Variants in ZNF469 observed in about 807,000 individuals in gnomAD.
ZNF469 encodes zinc finger protein 469.
ZNF469 carries 1 observed loss-of-function variant against 1.0 expected under a neutral mutation model. The ratio of observed to expected loss-of-function variants is 1.00; its 90% CI spans 0.35 to 4.73. ZNF469 has a LOEUF of 4.73. Ranked by LOEUF, ZNF469 falls within the 30% of genes most tolerant of loss-of-function variation. The pLI is 0.16. For missense variants in ZNF469, 6,100 were observed against 5,356.3 expected, an observed-to-expected ratio of 1.14 and a Z score of -4.33; for synonymous variants, 2,703 against 2,363.4, an observed-to-expected ratio of 1.14 and a Z score of -4.17.
At position 88,430,883 on chromosome 16, in the gene ZNF469, C is replaced by T; in HGVS notation, c.3413C>T (p.Pro1138Leu). The T allele has an allele frequency of 6.5e-7, 1 of 1,537,576 alleles. No individual in the cohort carries two copies. Among genetic ancestry groups the T allele is most frequent in the Non-Finnish European group, 8.7e-7 (1 of 1,146,040 alleles). ...QGPREDEPQK[P>L]RKAARQEAGG... is the part of the protein sequence containing the mutation. ...CCCAGAGAGGATGAGCCACAGAAAC[C>T]CCGGAAGGCGGCGAGGCAGGAAGCC... Residue 1138 changes from proline (P) to leucine (L), a missense_variant, in exon 3 of 3, where the codon CCC becomes CTC. Transcript: ENST00000565624.
rs761406489 is a variant in ZNF469, at chr16:88,431,034, C to A, written c.3564C>A (p.Gly1188=). Residue 1188 remains glycine, a synonymous_variant, in exon 3 of 3, where the codon GGC becomes GGA. Transcript: ENST00000565624. ...CGGGAGCGGCCGCCAGGGAGGGAGG[C>A]CCCAAGTGTGCTGATCGCCCCTCAG... ...LETGAAAREG[G]PKCADRPSVA... 6.5e-7 allele frequency: 1 copy of A among 1,546,494 alleles called. No individual in the cohort carries two copies. Among genetic ancestry groups the A allele is most frequent in the Admixed American group, 2.0e-5 (1 of 50,984 alleles).
the ZNF469 span, among the ~76,000 whole-genome samples, chr16:88,204,075 CG>C: frequency 7.0e-6 from 1 of 143,260 alleles, no homozygotes; most frequent in South Asian, 2.4e-4. Flanking sequence ...GGGAGGTGCC[CG>C]GTAACCCCAT....
the ZNF469 span, among the ~76,000 whole-genome samples, chr16:88,212,941 T>C: frequency 6.6e-6 from 1 of 152,240 alleles, no homozygotes; most frequent in East Asian, 1.9e-4. Context: ...GGTCCATCTA[T>C]GTCCTTAGTT....
the ZNF469 span, among the ~76,000 whole-genome samples, chr16:88,124,093 G>A: frequency 6.7e-6 from 1 of 149,580 alleles, no homozygotes; most frequent in African/African-American, 2.5e-5. Context: ...ATGAGCCAAC[G>A]CACCCAGCCA....
At chr16:88,249,403 TTTTCTTTTTC>T in the ZNF469 span, among the ~76,000 whole-genome samples, 22 of 145,934 alleles carry the variant, frequency 1.5e-4, no homozygotes, top group Admixed American at 2.1e-4. Context: ...TTTTTTTTCT[TTTTCTTTTTC>T]TTTCTTTTTC....
At chr16:88,202,708 G>A in the ZNF469 span, among the ~76,000 whole-genome samples, 3 of 152,184 alleles carry the variant, frequency 2.0e-5, no homozygotes, top group Non-Finnish European at 2.9e-5. Context: ...TGGTGGGGGC[G>A]CCTCACTCCT....
At chr16:88,206,684 A>G in the ZNF469 span, among the ~76,000 whole-genome samples, 1 of 151,474 alleles carries the variant, frequency 6.6e-6, no homozygotes, top group Non-Finnish European at 1.5e-5. Context: ...TCTTTCTTTT[A>G]AAACCTCGAT....
At chr16:88,244,393 G>A in the ZNF469 span, among the ~76,000 whole-genome samples, 3 of 131,106 alleles carry the variant, frequency 2.3e-5, no homozygotes, top group African/African-American at 8.9e-5. Context: ...GAATGCATGG[G>A]TGGATGGATG....
At chr16:88,119,210 C>T in the ZNF469 span, among the ~76,000 whole-genome samples, 1 of 152,172 alleles carries the variant, frequency 6.6e-6, no homozygotes, top group Non-Finnish European at 1.5e-5. Context: ...TTGTATCAGC[C>T]GAGGCGGTCT....
At chr16:88,229,875 C>T in the ZNF469 span, among the ~76,000 whole-genome samples, 3 of 152,210 alleles carry the variant, frequency 2.0e-5, no homozygotes, top group Non-Finnish European at 4.4e-5. Context: ...CCAGCAGGTG[C>T]AGCAGGGCCG....
In ZNF469 at chr16:88,432,974, C is replaced by G. The variant is rs1004969699; in HGVS notation, c.5504C>G (p.Ser1835Cys). 1 of 1,550,416 alleles carries G rather than the reference C, an allele frequency of 6.4e-7. No individual in the cohort carries two copies. Among genetic ancestry groups the G allele is most frequent in the South Asian group, 1.2e-5 (1 of 84,064 alleles). Residue 1835 changes from serine to cysteine, a missense_variant, in exon 3 of 3, where the codon TCT becomes TGT. Ser to Cys is a moderately radical substitution (Grantham distance 112, BLOSUM62 -1). Transcript: ENST00000565624. ...ASPSHAAQGHSAGRAGGHLHP... is the reference protein window; with the variant it reads ...ASPSHAAQGHCAGRAGGHLHP... ...CCCAGCCATGCTGCCCAGGGACATT[C>G]TGCAGGCAGAGCAGGTGGGCACCTC...
At chr16:88,299,280 A>T in the ZNF469 span, among the ~76,000 whole-genome samples, 1 of 148,480 alleles carries the variant, frequency 6.7e-6, no homozygotes, top group Non-Finnish European at 1.5e-5. Flanking sequence ...AGCTTGCAGC[A>T]GGCGAGGGCT....
At chr16:88,209,033 A>G in the ZNF469 span, among the ~76,000 whole-genome samples, 2 of 152,096 alleles carry the variant, frequency 1.3e-5, no homozygotes, top group Admixed American at 6.5e-5. Flanking sequence ...TTCACCCCAC[A>G]TATTCTTTGC....
At chr16:88,248,050 T>C in the ZNF469 span, among the ~76,000 whole-genome samples, 6 of 152,072 alleles carry the variant, frequency 3.9e-5, no homozygotes, top group Admixed American at 3.9e-4. Context: ...ACAGGGCTGC[T>C]CCAGTGGGGT....
chr16:88,330,526 G>T, the ZNF469 span, among the ~76,000 whole-genome samples: 1 of 152,216 alleles, frequency 6.6e-6, no homozygotes, highest in African/African-American at 2.4e-5. Flanking sequence ...GACGTGTTGT[G>T]GTTTTCCTGG....
At chr16:88,162,140 A>G in the ZNF469 span, among the ~76,000 whole-genome samples, 1 of 152,204 alleles carries the variant, frequency 6.6e-6, no homozygotes, top group Non-Finnish European at 1.5e-5. Context: ...CTCCACATGG[A>G]AACATGAGAG....
chr16:88,380,541 T>C (rs1391031341), upstream of ZNF469, among the ~76,000 whole-genome samples: 4 of 73,788 alleles, frequency 5.4e-5, no homozygotes, highest in Admixed American at 4.0e-4. Flanking sequence ...ACACACGCAC[T>C]AACACAGACA....
chr16:88,253,079 A>G, the ZNF469 span, among the ~76,000 whole-genome samples: 3 of 152,186 alleles, frequency 2.0e-5, no homozygotes, highest in Non-Finnish European at 4.4e-5. Flanking sequence ...GGATGAATGA[A>G]TTATCACCGT....
chr16:88,216,430 C>T, the ZNF469 span, among the ~76,000 whole-genome samples: 48 of 150,434 alleles, frequency 3.2e-4, no homozygotes, highest in Admixed American at 4.7e-4. Flanking sequence ...GGAGGCAGAG[C>T]TTGCAGTGAG....
Sources: allele counts gnomAD v4.1 joint callset (sites outside exome capture counted in the v4.1 genomes callset), GRCh38; gene constraint gnomAD v4.1.1; transcripts MANE v1.5; gene names NCBI Gene and HGNC (gene_info 2026-07-23, HGNC 2026-07-21).